LRIG1: variants seen among roughly 807,000 people sequenced by gnomAD.
LRIG1 encodes leucine-rich repeats and immunoglobulin-like domains protein 1.
LRIG1 carries 48 observed loss-of-function variants against 99.2 expected under a neutral mutation model. That is an observed-to-expected ratio of 0.48 (90% CI 0.38 to 0.62). LRIG1 has a LOEUF of 0.62. Among genes scored for constraint, LRIG1 ranks in the 20% least tolerant of loss-of-function variants. LRIG1 has a pLI of 0.00. For missense variants in LRIG1, 1,646 were observed against 1,434.4 expected (o/e 1.15, Z -2.38); for synonymous variants, 772 against 596.1 (o/e 1.29, Z -4.30).
chr3:66,398,718 G>C (rs783512), intron 10 of LRIG1, among the ~76,000 whole-genome samples: 65,703 of 152,154 alleles, frequency 0.43, 16,087 homozygotes, highest in Middle Eastern at 0.59. Flanking sequence ...GCAGCAGGAG[G>C]GGGGAGGGTA....
intron 1 of LRIG1, among the ~76,000 whole-genome samples, chr3:66,464,684 C>T (rs149269787): frequency 2.8e-4 from 42 of 152,176 alleles, no homozygotes; most frequent in African/African-American, 8.9e-4. Flanking sequence ...CCAGGTCTTA[C>T]GCAATTAAAC....
chr3:66,493,401 C>T (rs1481212318), intron 1 of LRIG1, among the ~76,000 whole-genome samples: 1 of 152,132 alleles, frequency 6.6e-6, no homozygotes, highest in African/African-American at 2.4e-5. Flanking sequence ...ATAATTTTTG[C>T]TAATTATATA....
chr3:66,381,347 C>T, intron 17 of LRIG1, 132 bp downstream of exon 17: 1 of 799,478 alleles, frequency 1.3e-6, no homozygotes, highest in Non-Finnish European at 2.0e-6. Context: ...TGAGCTTCCC[C>T]TGTATATACT....
chr3:66,428,874 CCTCT>C (rs1190745194), intron 3 of LRIG1, among the ~76,000 whole-genome samples: 1 of 152,180 alleles, frequency 6.6e-6, no homozygotes, highest in African/African-American at 2.4e-5. Context: ...TTGCTTGTTC[CCTCT>C]CTCTTCCCCT....
intron 1 of LRIG1, among the ~76,000 whole-genome samples, chr3:66,486,524 G>A (rs773674507): frequency 1.2e-4 from 18 of 152,144 alleles, no homozygotes; most frequent in Non-Finnish European, 2.6e-4. Context: ...CTTTTCACTG[G>A]TTAGCAAGGC....
intron 9 of LRIG1, chr3:66,401,725 C>T: frequency 7.3e-7 from 1 of 1,367,622 alleles, no homozygotes. Flanking sequence ...GCTGGGAGGA[C>T]ACTATTTCTG....
At position 66,379,190 on chromosome 3, in the gene LRIG1, A is replaced by G. The variant is rs1700881010; in HGVS notation, c.*1073T>C. The G allele has an allele frequency of 6.6e-6, 1 of 152,608 alleles. No individual in the cohort carries two copies. The highest frequency in any genetic ancestry group is 2.4e-5 in the African/African-American group (1 of 41,434). The allele number at this position is 152,608 out of a possible 1,614,324, so 9.5% of individuals were successfully genotyped here. A position where few individuals can be genotyped will look rare whatever the true frequency, so the allele number is the denominator to read the frequency against. On this transcript the variant is annotated 3_prime_UTR_variant, in exon 19 of 19. Transcript: ENST00000273261. ...TAAGATGGTTAGCTACCAGTCTCAA[A>G]AGTGCAAATTATACCCAGAACCCAG...
In LRIG1 at chr3:66,417,875, T is replaced by G. The variant is rs113792537; in HGVS notation, c.366-609A>C. On this transcript the variant is annotated intron_variant, in intron 3 of 18. Transcript: ENST00000273261. Reference sequence around the variant, plus strand: ...AGCTCACTGCTGAGTCTAACTGAAATTGAGTTCCCTGAACCTCCCGACTCT... The same window carrying G: ...AGCTCACTGCTGAGTCTAACTGAAAGTGAGTTCCCTGAACCTCCCGACTCT... Among the ~76,000 whole-genome samples, 4 of 151,926 alleles carry G rather than the reference T, an allele frequency of 2.6e-5. No individual in the cohort carries two copies. In the East Asian group the frequency reaches 7.7e-4, roughly 29 times the overall value.
chr3:66,438,938 C>T (rs987739777), intron 3 of LRIG1, among the ~76,000 whole-genome samples: 3 of 152,210 alleles, frequency 2.0e-5, no homozygotes, highest in Non-Finnish European at 4.4e-5. Context: ...CCTTTGATGA[C>T]GTATTGAATC....
intron 17 of LRIG1, 175 bp from the exon 18 acceptor site, chr3:66,381,036 C>G: frequency 3.1e-6 from 2 of 639,458 alleles, no homozygotes; most frequent in Non-Finnish European, 2.7e-6. Flanking sequence ...GGGCAAACAC[C>G]AAGTCACTCA....
At chr3:66,496,168 T>C (rs1701222710) in intron 1 of LRIG1, among the ~76,000 whole-genome samples, 2 of 152,190 alleles carry the variant, frequency 1.3e-5, no homozygotes, top group Non-Finnish European at 2.9e-5. Flanking sequence ...AGTAACCAAA[T>C]ATAATTATGC....
At position 66,495,651 on chromosome 3, in the gene LRIG1, C is replaced by T. The variant is rs115210884; in HGVS notation, c.218+4539G>A. Among the ~76,000 whole-genome samples the T allele has an allele frequency of 8.5e-3, 1,288 of 152,346 alleles. 8 individuals carry two copies. Among genetic ancestry groups the T allele is most frequent in the African/African-American group, 0.03 (1,229 of 41,570 alleles). On this transcript the variant is annotated intron_variant, in intron 1 of 18. Coordinates refer to ENST00000273261, the MANE Select transcript of LRIG1 (RefSeq NM_015541.3). ...ATGAATCCCTCTTCTAGATTTCCCTCTCCTGTGCATGCCACTTTTTAAATA... is the reference window on the plus strand; with the variant it reads ...ATGAATCCCTCTTCTAGATTTCCCTTTCCTGTGCATGCCACTTTTTAAATA...
In LRIG1 at chr3:66,416,977, G is replaced by C. The variant is rs540287315; in HGVS notation, c.503+152C>G. ...ATGGGGCTCGCCCCTGCCCTGCTCA[G>C]GGAAGGTCTGAACCATCCCCACTGA... is the stretch of plus-strand genomic sequence containing the variant. On this transcript the variant is annotated intron_variant, in intron 4 of 18. Transcript: ENST00000273261. The C allele has an allele frequency of 8.0e-4, 763 of 951,346 alleles. 2 individuals are homozygous for C. In the African/African-American group the frequency reaches 1.0e-2, roughly 12 times the overall value. The allele number at this position is 951,346 out of a possible 1,614,324, so 58.9% of individuals were successfully genotyped here. A position where few individuals can be genotyped will look rare whatever the true frequency, so the allele number is the denominator to read the frequency against.
In LRIG1 at chr3:66,494,346, T is replaced by G. The variant is rs564336356; in HGVS notation, c.218+5844A>C. On this transcript the variant is annotated intron_variant, in intron 1 of 18. Coordinates refer to ENST00000273261, the MANE Select transcript of LRIG1 (RefSeq NM_015541.3). ...GCCACTCCTTAATGACGAGTGTGAG[T>G]TGGGTGTGACCACCAGCGGCAAGAG... 9.2e-5 allele frequency among the ~76,000 whole-genome samples: 14 copies of G among 152,276 alleles called. No individual in the cohort carries two copies. The South Asian group carries it at 2.7e-3, about 29-fold the overall frequency.
At chr3:66,402,928 G>A (rs1702115523) in intron 9 of LRIG1, among the ~76,000 whole-genome samples, 1 of 152,158 alleles carries the variant, frequency 6.6e-6, no homozygotes, top group Non-Finnish European at 1.5e-5. Context: ...TTCTTCCTCT[G>A]TCCCTCCCTT....
intron 4 of LRIG1, among the ~76,000 whole-genome samples, chr3:66,415,887 T>C (rs981808966): frequency 1.3e-5 from 2 of 152,218 alleles, no homozygotes; most frequent in Non-Finnish European, 2.9e-5. Context: ...AATGCTGCTT[T>C]TTCTGGCCTA....
chr3:66,418,589 C>T lies in LRIG1; in HGVS notation c.366-1323G>A, dbSNP rs549460240. On this transcript the variant is annotated intron_variant, in intron 3 of 18. Transcript: ENST00000273261. The stretch of plus-strand genomic sequence containing the variant: ...CACTTAGGAATCTGCTGGGTGGTGG[C>T]GCTGGGCCTCTAGGTTGCAGGCACT... 2.6e-4 allele frequency among the ~76,000 whole-genome samples: 39 copies of T among 152,290 alleles called. No homozygotes were observed. In the South Asian group the frequency reaches 7.5e-3, roughly 29 times the overall value.
chr3:66,446,113 C>G (rs1009936172), intron 3 of LRIG1, among the ~76,000 whole-genome samples: 2 of 152,156 alleles, frequency 1.3e-5, no homozygotes, highest in Non-Finnish European at 1.5e-5. Flanking sequence ...GATTTCGCCC[C>G]TCTTTTTTTC....
At chr3:66,444,341 T>G (rs1470723369) in intron 3 of LRIG1, among the ~76,000 whole-genome samples, 1 of 151,792 alleles carries the variant, frequency 6.6e-6, no homozygotes, top group Non-Finnish European at 1.5e-5. Context: ...CCCAGGTCTG[T>G]TCTGTCCGTG....
Sources: gnomAD v4.1 joint callset for allele counts (sites outside exome capture counted in the v4.1 genomes callset) on GRCh38, gnomAD v4.1.1 for gene constraint, MANE v1.5 for transcripts, NCBI Gene and HGNC (gene_info 2026-07-23, HGNC 2026-07-21) for gene names.